CADM2: variants seen among roughly 807,000 people sequenced by gnomAD.
The protein encoded by CADM2 is immunoglobulin superfamily member 4D.
A neutral mutation model predicts 49.8 loss-of-function variants in CADM2; 12 were observed. The ratio of observed to expected loss-of-function variants is 0.24; its 90% CI spans 0.15 to 0.39. CADM2 has a LOEUF of 0.39. CADM2 is among the 10% of genes least tolerant of loss of function. The pLI, the probability that CADM2 is intolerant of heterozygous loss-of-function variation, is 1.00. For missense variants in CADM2, 378 were observed against 492.3 expected, an observed-to-expected ratio of 0.77 and a Z score of 2.20; for synonymous variants, 214 against 175.4, an observed-to-expected ratio of 1.22 and a Z score of -1.74.
chr3:85,201,793 A>G (rs925895495), intron 1 of CADM2, among the ~76,000 whole-genome samples: 2 of 151,526 alleles, frequency 1.3e-5, no homozygotes, highest in African/African-American at 4.9e-5. Context: ...ATAAGAAGCA[A>G]CTCCTCAGGC....
Position 85,255,915 on chromosome 3 carries a change from C to T in CADM2, c.61+296247C>T, listed in dbSNP as rs568129933. Among the ~76,000 whole-genome samples, 275 of 152,022 alleles carry T rather than the reference C, an allele frequency of 1.8e-3. 1 individual carries two copies. The highest frequency in any genetic ancestry group is 6.3e-3 in the African/African-American group (263 of 41,492). On this transcript the variant is annotated intron_variant, in intron 1 of 9. Transcript: ENST00000383699. ...CTACATTTCCAGAAAAATCTGCTTT[C>T]GATGTAATAGATATTTTGAAAATAT...
intron 1 of CADM2, among the ~76,000 whole-genome samples, chr3:85,089,784 A>G (rs892221799): frequency 6.6e-6 from 1 of 152,172 alleles, no homozygotes; most frequent in African/African-American, 2.4e-5. Context: ...AAAATAGGAC[A>G]ACATGAGTTG....
chr3:85,542,433 T>G (rs1393984590), intron 1 of CADM2, among the ~76,000 whole-genome samples: 6 of 152,166 alleles, frequency 3.9e-5, no homozygotes, highest in Non-Finnish European at 7.4e-5. Context: ...TTTAGAACAT[T>G]GTGATGTCAT....
chr3:85,297,653 T>C (rs1403429335), intron 1 of CADM2, among the ~76,000 whole-genome samples: 1 of 151,930 alleles, frequency 6.6e-6, no homozygotes, highest in Non-Finnish European at 1.5e-5. Flanking sequence ...CTCATTTTTC[T>C]CCCCATCTCA....
chr3:85,898,763 A>G (rs1357939094), intron 5 of CADM2, among the ~76,000 whole-genome samples: 2 of 151,288 alleles, frequency 1.3e-5, no homozygotes, highest in South Asian at 2.1e-4. Flanking sequence ...TAGTAAAGCT[A>G]CTATGAACAT....
At chr3:85,529,450 T>TTTAA (rs1165463846) in intron 1 of CADM2, among the ~76,000 whole-genome samples, 1 of 152,214 alleles carries the variant, frequency 6.6e-6, no homozygotes, top group Non-Finnish European at 1.5e-5. Context: ...CTGCCAATGA[T>TTTAA]TTAATTAATT....
At chr3:85,742,795 T>C (rs2068449069) in intron 2 of CADM2, among the ~76,000 whole-genome samples, 1 of 152,216 alleles carries the variant, frequency 6.6e-6, no homozygotes, top group Non-Finnish European at 1.5e-5. Flanking sequence ...AAGCCATCTC[T>C]AGGACACAAA....
At chr3:85,873,355 C>T (rs1285198028) in intron 3 of CADM2, among the ~76,000 whole-genome samples, 2 of 152,118 alleles carry the variant, frequency 1.3e-5, no homozygotes, top group Non-Finnish European at 2.9e-5. Flanking sequence ...AATTCAACAT[C>T]ATAGAAAATA....
At chr3:85,703,352 T>C (rs1248773253) in intron 1 of CADM2, among the ~76,000 whole-genome samples, 1 of 152,134 alleles carries the variant, frequency 6.6e-6, no homozygotes, top group African/African-American at 2.4e-5. Context: ...TTAGTATTCT[T>C]TTAATGAGGT....
At chr3:85,743,131 G>A (rs1045053299) in intron 2 of CADM2, among the ~76,000 whole-genome samples, 1 of 151,904 alleles carries the variant, frequency 6.6e-6, no homozygotes. Context: ...AGCTTGAAAA[G>A]GTTCTATCTA....
chr3:85,399,247 TC>T (rs1343902812), intron 1 of CADM2, among the ~76,000 whole-genome samples: 1 of 152,318 alleles, frequency 6.6e-6, no homozygotes, highest in Admixed American at 6.5e-5. Context: ...AAATAGGGAA[TC>T]CTTTCCCCAT....
In CADM2 at chr3:85,480,376, T is replaced by C. The variant is rs545648121; in HGVS notation, c.62-246146T>C. Among the ~76,000 whole-genome samples the C allele has an allele frequency of 7.9e-5, 12 of 152,024 alleles. No homozygotes were observed. In the South Asian group the frequency reaches 2.5e-3, roughly 31 times the overall value. The stretch of plus-strand genomic sequence containing the variant: ...ATGAGGTGGTTAAAAGCAAGGATTA[T>C]GTAGGTTTATGTTCAGACTCTGCCA... On this transcript the variant is annotated intron_variant, in intron 1 of 9. Coordinates refer to ENST00000383699, the MANE Select transcript of CADM2 (RefSeq NM_001167675.2).
At chr3:85,585,441 T>G (rs912911156) in intron 1 of CADM2, among the ~76,000 whole-genome samples, 1 of 151,874 alleles carries the variant, frequency 6.6e-6, no homozygotes, top group African/African-American at 2.4e-5. Flanking sequence ...GTTTATAAGA[T>G]CTATGGTAAG....
At chr3:85,746,606 C>G (rs893134817) in intron 2 of CADM2, among the ~76,000 whole-genome samples, 1 of 152,024 alleles carries the variant, frequency 6.6e-6, no homozygotes, top group East Asian at 1.9e-4. Flanking sequence ...GTGACTCCAT[C>G]CTGCAGCTCC....
At chr3:86,029,636 C>G (rs975955729) in intron 8 of CADM2, among the ~76,000 whole-genome samples, 1 of 151,688 alleles carries the variant, frequency 6.6e-6, no homozygotes, top group Non-Finnish European at 1.5e-5. Context: ...TGCATAAAAG[C>G]TAAGAAGATA....
chr3:85,971,564 A>G (rs758414917), intron 8 of CADM2, among the ~76,000 whole-genome samples: 15 of 151,708 alleles, frequency 9.9e-5, no homozygotes, highest in South Asian at 2.1e-4. Flanking sequence ...AATGGATGAC[A>G]GTAATATTCT....
At chr3:85,301,719 G>T (rs931968369) in intron 1 of CADM2, among the ~76,000 whole-genome samples, 1 of 151,988 alleles carries the variant, frequency 6.6e-6, no homozygotes, top group Non-Finnish European at 1.5e-5. Context: ...GATTACTGTA[G>T]AATATTGTAC....
At chr3:85,163,794 T>C (rs912145501) in intron 1 of CADM2, among the ~76,000 whole-genome samples, 2 of 152,074 alleles carry the variant, frequency 1.3e-5, no homozygotes, top group African/African-American at 4.8e-5. Flanking sequence ...ATCATACTAT[T>C]TACCCAATTA....
intron 1 of CADM2, among the ~76,000 whole-genome samples, chr3:85,181,687 T>G (rs1379149460): frequency 6.6e-6 from 1 of 151,912 alleles, no homozygotes; most frequent in Non-Finnish European, 1.5e-5. Context: ...TCATTCACTA[T>G]TTTTTCAAAT....
Sources: allele counts gnomAD v4.1 joint callset (sites outside exome capture counted in the v4.1 genomes callset), GRCh38; gene constraint gnomAD v4.1.1; transcripts MANE v1.5; gene names NCBI Gene and HGNC (gene_info 2026-07-23, HGNC 2026-07-21).